Variants in GFPT1 observed in about 807,000 individuals in gnomAD.
GFPT1 encodes glutamine--fructose-6-phosphate aminotransferase [isomerizing] 1.
A neutral mutation model predicts 92.0 loss-of-function variants in GFPT1; 40 were observed. The ratio of observed to expected loss-of-function variants is 0.43; its 90% CI spans 0.34 to 0.57. The LOEUF (loss-of-function observed/expected upper bound fraction) is 0.57. Ranked by LOEUF, GFPT1 falls within the 20% of genes least tolerant of loss-of-function variation. The probability of loss-of-function intolerance (pLI) is 0.02; values close to 1 mark genes in which losing one functional copy is unlikely to be tolerated. For synonymous variants in GFPT1, 269 were observed against 280.6 expected, an observed-to-expected ratio of 0.96 and a Z score of 0.41; for missense variants, 448 against 869.1, an observed-to-expected ratio of 0.52 and a Z score of 6.09.
At chr2:69,366,084 G>C (rs1222791976) in intron 3 of GFPT1, among the ~76,000 whole-genome samples, 6 of 152,150 alleles carry the variant, frequency 3.9e-5, no homozygotes, top group Non-Finnish European at 7.3e-5. Context: ...AAAGTGCTGG[G>C]ATTACAGGCG....
In GFPT1 at chr2:69,374,733, G is replaced by A. The variant is rs930150225; in HGVS notation, c.8-620C>T. Among the ~76,000 whole-genome samples the A allele has an allele frequency of 6.6e-5, 10 of 151,862 alleles. 1 individual carries two copies. Among genetic ancestry groups the A allele is most frequent in the South Asian group, 6.2e-4 (3 of 4,810 alleles). Reference sequence around the variant, plus strand: ...TTATGTCCTATATACAGAGCATTTCGTTTCAAGAAAAAAATTTCTAAAGTA... The same window carrying A: ...TTATGTCCTATATACAGAGCATTTCATTTCAAGAAAAAAATTTCTAAAGTA... On this transcript the variant is annotated intron_variant, in intron 1 of 19. Transcript: ENST00000357308.
At chr2:69,334,836 G>GT (rs1267836288) in intron 15 of GFPT1, 1 of 152,216 alleles carries the variant, frequency 6.6e-6, no homozygotes, top group Non-Finnish European at 1.5e-5. Context: ...GAGGGTAGGA[G>GT]TAAGGATTGA....
intron 15 of GFPT1, among the ~76,000 whole-genome samples, chr2:69,335,312 G>A (rs890490972): frequency 6.6e-6 from 1 of 152,076 alleles, no homozygotes; most frequent in African/African-American, 2.4e-5. Flanking sequence ...CAGCCTGTAT[G>A]TAAAATTTTT....
intron 3 of GFPT1, 143 bp from the exon 4 acceptor site, chr2:69,363,813 A>G (rs897729204): frequency 1.4e-6 from 1 of 706,390 alleles, no homozygotes; most frequent in African/African-American, 1.8e-5. Flanking sequence ...TATTCAAAAT[A>G]GTGATTAAAA....
intron 12 of GFPT1, among the ~76,000 whole-genome samples, chr2:69,343,584 T>C (rs1474659058): frequency 6.6e-6 from 1 of 151,618 alleles, no homozygotes; most frequent in East Asian, 1.9e-4. Context: ...GCTAATTTTT[T>C]TCTATTTTTA....
chr2:69,327,474 T>C (rs1253625993), intron 18 of GFPT1, among the ~76,000 whole-genome samples: 1 of 152,112 alleles, frequency 6.6e-6, no homozygotes, highest in Non-Finnish European at 1.5e-5. Context: ...CCCTGAAATA[T>C]ATCGCGTGTG....
intron 1 of GFPT1, among the ~76,000 whole-genome samples, chr2:69,381,850 G>A (rs1473667461): frequency 7.0e-6 from 1 of 143,844 alleles, no homozygotes; most frequent in African/African-American, 2.7e-5. Context: ...CAAAACACTG[G>A]CTACTTATAA....
chr2:69,342,212 G>T lies in GFPT1; in HGVS notation c.1143C>A (p.Ile381=). ...LGGLKDHIKE[I]QRCRRLILIA... ...TAAGAATCAAACGCCGGCATCTCTG[G>T]ATCTCCTTTATGTGATCCTTCAAAC... Residue 381 remains isoleucine (I), a synonymous_variant, in exon 13 of 20, where the codon ATC becomes ATA. Coordinates refer to ENST00000357308, the MANE Select transcript of GFPT1 (RefSeq NM_001244710.2). The T allele has an allele frequency of 6.2e-7, 1 of 1,611,118 alleles. No homozygotes were observed.
intron 7 of GFPT1, 129 bp from the exon 8 acceptor site, chr2:69,354,697 A>G: frequency 1.5e-6 from 1 of 689,440 alleles, no homozygotes; most frequent in South Asian, 1.5e-5. Flanking sequence ...CAGATATAAG[A>G]ACTAGATAAA....
intron 3 of GFPT1, among the ~76,000 whole-genome samples, chr2:69,364,562 T>A (rs567291879): frequency 6.6e-6 from 1 of 152,274 alleles, no homozygotes; most frequent in Non-Finnish European, 1.5e-5. Context: ...TGGTCTCTGG[T>A]GAGTGTACAC....
In GFPT1 at chr2:69,348,226, A is replaced by T; in HGVS notation, c.954T>A (p.Asp318Glu). Residue 318 changes from aspartate to glutamate, a missense_variant, in exon 11 of 20, where the codon GAT (aspartate) becomes GAA (glutamate). Asp to Glu is a conservative substitution (Grantham distance 45). Transcript: ENST00000357308. The part of the protein sequence containing the change: ...SIHRIKRTAG[D>E]HPGRAVQTLQ... ...GTGTTTGCACAGCTCGTCCGGGGTG[A>T]TCTCCTGCAGTTCGTTTAATTCGAT... 6.2e-7 allele frequency: 1 copy of T among 1,613,786 alleles called. No homozygotes were observed. Among genetic ancestry groups the T allele is most frequent in the Non-Finnish European group, 8.5e-7 (1 of 1,179,674 alleles).
At chr2:69,380,514 T>C (rs73934909) in intron 1 of GFPT1, among the ~76,000 whole-genome samples, 2,415 of 152,294 alleles carry the variant, frequency 0.016, 76 homozygotes, top group African/African-American at 0.054. Flanking sequence ...CTCTTGCACA[T>C]TTAACATTCT....
intron 1 of GFPT1, 24 bp from the exon 2 acceptor site, chr2:69,374,137 G>A: frequency 2.7e-6 from 3 of 1,114,834 alleles, no homozygotes; most frequent in Middle Eastern, 2.0e-4. Context: ...AATATTTAAT[G>A]AAAAATTCTG....
chr2:69,344,448 A>G (rs1172286034), intron 12 of GFPT1, among the ~76,000 whole-genome samples: 1 of 152,186 alleles, frequency 6.6e-6, no homozygotes, highest in African/African-American at 2.4e-5. Context: ...GGCAAAAGAA[A>G]GAATGCCTGA....
intron 4 of GFPT1, among the ~76,000 whole-genome samples, chr2:69,362,170 C>T (rs1386055510): frequency 6.6e-6 from 1 of 152,174 alleles, no homozygotes; most frequent in Non-Finnish European, 1.5e-5. Context: ...CACTCTGTCA[C>T]CCAGGCTGAA....
intron 7 of GFPT1, among the ~76,000 whole-genome samples, chr2:69,355,391 T>G (rs199639099): frequency 1.3e-5 from 2 of 151,406 alleles, no homozygotes; most frequent in Non-Finnish European, 2.9e-5. Flanking sequence ...TACAGGTTTT[T>G]GGTTTTTTTT....
chr2:69,326,498 T>C (rs368558357), intron 19 of GFPT1, among the ~76,000 whole-genome samples: 27 of 152,340 alleles, frequency 1.8e-4, no homozygotes, highest in Admixed American at 3.9e-4. Context: ...ACAGAAGTAG[T>C]AGCCCTCATA....
intron 3 of GFPT1, among the ~76,000 whole-genome samples, chr2:69,368,479 C>A (rs1293137803): frequency 6.6e-6 from 1 of 152,002 alleles, no homozygotes; most frequent in African/African-American, 2.4e-5. Context: ...TGTAATCCCA[C>A]TACTTTGAGA....
In GFPT1 at chr2:69,365,960, G is replaced by A. The variant is rs141811264; in HGVS notation, c.224-2290C>T. On this transcript the variant is annotated intron_variant, in intron 3 of 19. Transcript: ENST00000357308. ...CCTGAGTAGCTGGGATTACAGGCAC[G>A]CACCACCACGCCTGGCTAATTTTTT... Among the ~76,000 whole-genome samples, 108 of 152,040 alleles carry A rather than the reference G, an allele frequency of 7.1e-4. No individual in the cohort carries two copies. In the East Asian group the frequency reaches 0.02, roughly 28 times the overall value.
Sources: gnomAD v4.1 joint callset for allele counts (sites outside exome capture counted in the v4.1 genomes callset) on GRCh38, gnomAD v4.1.1 for gene constraint, MANE v1.5 for transcripts, NCBI Gene and HGNC (gene_info 2026-07-23, HGNC 2026-07-21) for gene names.